The following PKP4 variants were observed in gnomAD, a reference collection of about 807,000 sequenced individuals.
PKP4 encodes plakophilin 4, also known as plakophilin-4.
PKP4 carries 90 observed loss-of-function variants against 145.1 expected under a neutral mutation model. The ratio of observed to expected loss-of-function variants is 0.62; its 90% CI spans 0.52 to 0.74. The LOEUF is 0.74. PKP4 is among the 30% of genes least tolerant of loss of function. The probability of loss-of-function intolerance (pLI) is 0.00; values close to 1 mark genes in which losing one functional copy is unlikely to be tolerated. For synonymous variants in PKP4, 563 were observed against 577.2 expected, an observed-to-expected ratio of 0.98 and a Z score of 0.35; for missense variants, 1,340 against 1,482.7, an observed-to-expected ratio of 0.90 and a Z score of 1.58.
At chr2:158,595,695 C>T (rs2049665847) in intron 3 of PKP4, among the ~76,000 whole-genome samples, 2 of 152,086 alleles carry the variant, frequency 1.3e-5, no homozygotes, top group African/African-American at 2.4e-5. Flanking sequence ...TAATTAATGA[C>T]GATATAGAAA....
At chr2:158,606,236 C>T (rs763559126) in intron 4 of PKP4, among the ~76,000 whole-genome samples, 9 of 151,970 alleles carry the variant, frequency 5.9e-5, no homozygotes, top group South Asian at 2.1e-4. Context: ...TTAAAAATAA[C>T]GGTTCTACAG....
At chr2:158,521,622 T>C (rs932460733) in intron 1 of PKP4, among the ~76,000 whole-genome samples, 1 of 152,200 alleles carries the variant, frequency 6.6e-6, no homozygotes, top group Non-Finnish European at 1.5e-5. Flanking sequence ...GTTATGTTTC[T>C]ATTTCTAGGA....
At chr2:158,484,927 T>C (rs1240187446) in intron 1 of PKP4, among the ~76,000 whole-genome samples, 1 of 152,194 alleles carries the variant, frequency 6.6e-6, no homozygotes, top group African/African-American at 2.4e-5. Context: ...TGGTACAGGA[T>C]TTTGTTACTG....
In PKP4 at chr2:158,666,418, A is replaced by G. The variant is rs1338248276; in HGVS notation, c.2583A>G (p.Ala861=). 1.3e-6 allele frequency: 2 copies of G among 1,596,112 alleles called. No homozygotes were observed. The highest frequency in any genetic ancestry group is 2.3e-5 in the East Asian group (1 of 44,358). ...TGCCTTATTTTTCTCACTAGTTTGC[A>G]GCATATATCCGGGCGGCCGTCCGAA... The part of the protein sequence containing the change: ...QNLSAGNWKF[A]AYIRAAVRKE... The change falls in exon 16 of 22, where the codon GCA becomes GCG. Residue 861 remains alanine (A), a synonymous_variant. Coordinates refer to ENST00000389759, the MANE Select transcript of PKP4 (RefSeq NM_003628.6).
intron 1 of PKP4, among the ~76,000 whole-genome samples, chr2:158,463,402 G>T (rs1417686232): frequency 7.0e-6 from 1 of 143,018 alleles, no homozygotes; most frequent in South Asian, 2.2e-4. Context: ...GTCTGAAAGT[G>T]ATCACAGTTG....
At chr2:158,505,550 T>G (rs895292001) in intron 1 of PKP4, among the ~76,000 whole-genome samples, 12 of 152,112 alleles carry the variant, frequency 7.9e-5, no homozygotes, top group African/African-American at 2.9e-4. Flanking sequence ...GTCTCTTCTG[T>G]ACTCATGTAG....
chr2:158,562,618 T>C (rs80222305), intron 2 of PKP4, among the ~76,000 whole-genome samples: 4,682 of 152,316 alleles, frequency 0.031, 122 homozygotes, highest in Non-Finnish European at 0.05. Context: ...GTTAAAGTGT[T>C]ACATTTTGTT....
At chr2:158,513,951 C>T (rs1008287008) in intron 1 of PKP4, among the ~76,000 whole-genome samples, 5 of 152,154 alleles carry the variant, frequency 3.3e-5, no homozygotes, top group African/African-American at 4.8e-5. Flanking sequence ...CTGACGACCC[C>T]GCTCTCCCAT....
In PKP4 at chr2:158,563,223, C is replaced by T. The variant is rs148136800; in HGVS notation, c.133-14048C>T. Among the ~76,000 whole-genome samples the T allele has an allele frequency of 7.1e-3, 1,075 of 152,066 alleles. 16 individuals are homozygous for T. Among genetic ancestry groups the T allele is most frequent in the African/African-American group, 0.025 (1,022 of 41,472 alleles). The stretch of plus-strand genomic sequence containing the variant: ...AAATTGGGATTGTAGTGTGGTTTTA[C>T]GTAAGCAAACAACTCTTACTCTATT... On this transcript the variant is annotated intron_variant, in intron 2 of 21. Coordinates refer to ENST00000389759, the MANE Select transcript of PKP4 (RefSeq NM_003628.6).
chr2:158,595,045 T>C (rs990054737), intron 3 of PKP4, among the ~76,000 whole-genome samples: 3 of 152,184 alleles, frequency 2.0e-5, no homozygotes, highest in Non-Finnish European at 4.4e-5. Context: ...TCATGACATA[T>C]TGTTTAATTT....
chr2:158,666,338 T>C lies in PKP4; in HGVS notation c.2578-75T>C, dbSNP rs181372965. Reference sequence around the variant, plus strand: ...TCTATTAGTTCATCTTTTGGAAACATCTTTTTTAGGTGACAGTAACATATG... The same window carrying C: ...TCTATTAGTTCATCTTTTGGAAACACCTTTTTTAGGTGACAGTAACATATG... On this transcript the variant is annotated intron_variant, in intron 15 of 21. Coordinates refer to ENST00000389759, the MANE Select transcript of PKP4 (RefSeq NM_003628.6). The C allele has an allele frequency of 6.7e-4, 828 of 1,239,790 alleles. 1 individual carries two copies. Among genetic ancestry groups the C allele is most frequent in the Non-Finnish European group, 8.5e-4 (794 of 928,926 alleles). The allele number at this position is 1,239,790 out of a possible 1,614,324, so 76.8% of individuals were successfully genotyped here.
intron 4 of PKP4, among the ~76,000 whole-genome samples, chr2:158,610,890 TCCCCA>T (rs1345662823): frequency 2.0e-5 from 3 of 152,178 alleles, no homozygotes; most frequent in Non-Finnish European, 4.4e-5. Context: ...TGCTGCTCTG[TCCCCA>T]CCAGCCAGCC....
chr2:158,492,053 C>G (rs1427943779), intron 1 of PKP4, among the ~76,000 whole-genome samples: 1 of 152,158 alleles, frequency 6.6e-6, no homozygotes, highest in Non-Finnish European at 1.5e-5. Flanking sequence ...AAATAGTCCT[C>G]CTATCACAGT....
intron 2 of PKP4, chr2:158,533,558 C>T (rs1259025923): frequency 6.8e-6 from 4 of 584,714 alleles, no homozygotes; most frequent in African/African-American, 5.5e-5. Flanking sequence ...CGATGGTGAT[C>T]GGTGTCTCTG....
intron 1 of PKP4, among the ~76,000 whole-genome samples, chr2:158,489,012 C>G (rs531334301): frequency 6.6e-6 from 1 of 152,116 alleles, no homozygotes; most frequent in Non-Finnish European, 1.5e-5. Flanking sequence ...GCCGTTATTT[C>G]GTCATCTGTA....
intron 17 of PKP4, among the ~76,000 whole-genome samples, chr2:158,671,128 A>T (rs879785321): frequency 2.2e-4 from 34 of 152,246 alleles, no homozygotes; most frequent in Admixed American, 2.2e-3. Flanking sequence ...TATCCTTGGC[A>T]TCTAGAATAA....
At chr2:158,542,572 C>A (rs1393620379) in intron 2 of PKP4, among the ~76,000 whole-genome samples, 2 of 152,092 alleles carry the variant, frequency 1.3e-5, no homozygotes, top group Non-Finnish European at 2.9e-5. Context: ...AACTTTTTAA[C>A]CTAGGATAAA....
At chr2:158,618,437 T>TA (rs1253840144) in intron 4 of PKP4, among the ~76,000 whole-genome samples, 1 of 152,144 alleles carries the variant, frequency 6.6e-6, no homozygotes, top group Non-Finnish European at 1.5e-5. Context: ...GGCGTTGCAT[T>TA]AAAAAATATA....
At chr2:158,567,630 G>T (rs549833173) in intron 2 of PKP4, among the ~76,000 whole-genome samples, 12 of 152,298 alleles carry the variant, frequency 7.9e-5, no homozygotes, top group African/African-American at 2.9e-4. Context: ...GAAATACTTG[G>T]CACTTAGCGT....
Sources: gnomAD v4.1 joint callset for allele counts (sites outside exome capture counted in the v4.1 genomes callset) on GRCh38, gnomAD v4.1.1 for gene constraint, MANE v1.5 for transcripts, NCBI Gene and HGNC (gene_info 2026-07-23, HGNC 2026-07-21) for gene names.